The following STXBP5L variants were observed in gnomAD, a reference collection of about 807,000 sequenced individuals.
STXBP5L encodes syntaxin binding protein 5L, also known as syntaxin-binding protein 5-like.
STXBP5L carries 65 observed loss-of-function variants against 144.5 expected under a neutral mutation model. The ratio of observed to expected loss-of-function variants is 0.45; its 90% CI spans 0.37 to 0.55. The LOEUF is 0.55. Among genes scored for constraint, STXBP5L ranks in the 20% least tolerant of loss-of-function variants. STXBP5L has a pLI of 0.00. For missense variants in STXBP5L, 1,298 were observed against 1,405.5 expected (o/e 0.92, Z 1.22); for synonymous variants, 505 against 469.6 (o/e 1.08, Z -0.97).
chr3:121,362,138 A>G (rs1231348962), intron 20 of STXBP5L, among the ~76,000 whole-genome samples: 1 of 152,224 alleles, frequency 6.6e-6, no homozygotes, highest in African/African-American at 2.4e-5. Flanking sequence ...TCCCAAACAT[A>G]CAGAGTCTCT....
chr3:120,950,727 G>T (rs1420292588), intron 2 of STXBP5L, among the ~76,000 whole-genome samples: 4 of 152,060 alleles, frequency 2.6e-5, no homozygotes, highest in Admixed American at 2.6e-4. Context: ...TGGCCATACT[G>T]CCCAAAGTAA....
chr3:121,404,183 C>T (rs1168179301), intron 22 of STXBP5L, among the ~76,000 whole-genome samples: 1 of 152,106 alleles, frequency 6.6e-6, no homozygotes, highest in African/African-American at 2.4e-5. Context: ...CTATTAATGA[C>T]AATTCCATTC....
rs908339062 is a variant in STXBP5L, at chr3:121,120,294, C to T, written c.606-1347C>T. Among the ~76,000 whole-genome samples, 4 of 151,048 alleles carry T rather than the reference C, an allele frequency of 2.6e-5. 1 individual carries two copies. The South Asian group carries it at 8.3e-4, about 31-fold the overall frequency. ...TTAAACCTTATCAGAGGCATTTATACCTTTATAGAACACTGAATTTATGTA... is the reference window on the plus strand; with the variant it reads ...TTAAACCTTATCAGAGGCATTTATATCTTTATAGAACACTGAATTTATGTA... On this transcript the variant is annotated intron_variant, in intron 6 of 26. Coordinates refer to ENST00000471454, the MANE Select transcript of STXBP5L (RefSeq NM_001308330.2).
intron 7 of STXBP5L, among the ~76,000 whole-genome samples, chr3:121,133,929 G>A (rs957387982): frequency 1.3e-5 from 2 of 152,058 alleles, no homozygotes; most frequent in Non-Finnish European, 2.9e-5. Context: ...AACAGCAAGG[G>A]ATTACATGAT....
At chr3:121,029,765 T>G (rs1946228789) in intron 3 of STXBP5L, among the ~76,000 whole-genome samples, 1 of 152,094 alleles carries the variant, frequency 6.6e-6, no homozygotes, top group African/African-American at 2.4e-5. Flanking sequence ...TGGGAGAATT[T>G]TTTTTGAATC....
At chr3:121,243,388 G>T (rs1277326305) in intron 14 of STXBP5L, among the ~76,000 whole-genome samples, 1 of 152,104 alleles carries the variant, frequency 6.6e-6, no homozygotes, top group Non-Finnish European at 1.5e-5. Flanking sequence ...CCCATAAAAG[G>T]TTTGAGAGGC....
At position 121,230,891 on chromosome 3, in the gene STXBP5L, C is replaced by T. The variant is rs191616484; in HGVS notation, c.1112-2725C>T. Among the ~76,000 whole-genome samples the T allele has an allele frequency of 4.4e-3, 664 of 152,256 alleles. 5 individuals carry two copies. The highest frequency in any genetic ancestry group is 0.015 in the African/African-American group (617 of 41,550). On this transcript the variant is annotated intron_variant, in intron 11 of 26. Coordinates refer to ENST00000471454, the MANE Select transcript of STXBP5L (RefSeq NM_001308330.2). ...AAACCAGAGTAGCAAAGTAGTCGGG[C>T]GGACCGGCAGGAAGAGAGGAGCTAG...
intron 2 of STXBP5L, 59 bp from the exon 3 acceptor site, chr3:120,954,881 C>A: frequency 7.1e-7 from 1 of 1,410,408 alleles, no homozygotes; most frequent in Non-Finnish European, 9.8e-7. Context: ...ATAATGGTAT[C>A]TTGTGATTGT....
chr3:121,348,483 G>A (rs1413106501), intron 20 of STXBP5L, among the ~76,000 whole-genome samples: 2 of 152,104 alleles, frequency 1.3e-5, no homozygotes, highest in East Asian at 1.9e-4. Flanking sequence ...AAATGAGTTA[G>A]GGAGGATCCC....
At chr3:121,069,458 T>C (rs1175686835) in intron 5 of STXBP5L, among the ~76,000 whole-genome samples, 1 of 152,180 alleles carries the variant, frequency 6.6e-6, no homozygotes, top group African/African-American at 2.4e-5. Flanking sequence ...TGATCATTTG[T>C]GTGCAAGTAT....
At chr3:121,398,035 CTTGT>C (rs2046775947) in intron 22 of STXBP5L, among the ~76,000 whole-genome samples, 4 of 149,776 alleles carry the variant, frequency 2.7e-5, no homozygotes, top group African/African-American at 9.8e-5. Context: ...GCAGCTTTGC[CTTGT>C]TTATTTGTGC....
At position 121,279,859 on chromosome 3, in the gene STXBP5L, A is replaced by G. The variant is rs1168464997; in HGVS notation, c.2013A>G (p.Thr671=). The G allele has an allele frequency of 6.2e-7, 1 of 1,612,748 alleles. No homozygotes were observed. Among genetic ancestry groups the G allele is most frequent in the Non-Finnish European group, 8.5e-7 (1 of 1,178,994 alleles). ...GLAVVDFIQK[T]VLLSMGTIDL... ...CTGTGGTGGATTTTATACAGAAGACAGTACTGTTAAGCATGGGGACCATTG... is the reference window on the plus strand; with the variant it reads ...CTGTGGTGGATTTTATACAGAAGACGGTACTGTTAAGCATGGGGACCATTG... The change falls in exon 19 of 27, where the codon ACA becomes ACG. Residue 671 remains threonine (T), a synonymous_variant. Transcript: ENST00000471454.
chr3:121,207,032 A>T (rs2048362869), intron 10 of STXBP5L, among the ~76,000 whole-genome samples: 1 of 152,162 alleles, frequency 6.6e-6, no homozygotes, highest in Non-Finnish European at 1.5e-5. Flanking sequence ...GTTTGTTTAT[A>T]ACTGCTCTTT....
chr3:121,172,797 A>G (rs1323559816), intron 9 of STXBP5L, among the ~76,000 whole-genome samples: 1 of 152,228 alleles, frequency 6.6e-6, no homozygotes, highest in Non-Finnish European at 1.5e-5. Flanking sequence ...CTAGAACTAG[A>G]AATACCATTT....
At chr3:121,302,142 T>C (rs575761663) in intron 19 of STXBP5L, among the ~76,000 whole-genome samples, 5 of 152,346 alleles carry the variant, frequency 3.3e-5, no homozygotes, top group African/African-American at 1.2e-4. Flanking sequence ...TCCTTGTACC[T>C]CTGGTAGAAT....
intron 3 of STXBP5L, among the ~76,000 whole-genome samples, chr3:121,019,692 C>G (rs550671049): frequency 6.6e-6 from 1 of 152,258 alleles, no homozygotes; most frequent in South Asian, 2.1e-4. Flanking sequence ...CACAGTTTGG[C>G]TCTCAGGAAG....
At chr3:121,053,688 C>T (rs1437990998) in intron 5 of STXBP5L, among the ~76,000 whole-genome samples, 1 of 152,176 alleles carries the variant, frequency 6.6e-6, no homozygotes, top group Non-Finnish European at 1.5e-5. Flanking sequence ...GCAAGGACTT[C>T]ATGTCTAAAG....
intron 5 of STXBP5L, among the ~76,000 whole-genome samples, chr3:121,069,774 G>A (rs891455241): frequency 6.6e-6 from 1 of 151,740 alleles, no homozygotes; most frequent in Non-Finnish European, 1.5e-5. Context: ...TTTTGTTTAA[G>A]GTATGAGATT....
chr3:121,354,258 T>C (rs1485261637), intron 20 of STXBP5L, among the ~76,000 whole-genome samples: 1 of 152,184 alleles, frequency 6.6e-6, no homozygotes, highest in Non-Finnish European at 1.5e-5. Flanking sequence ...GTCTCATTGA[T>C]CTGCCTAATA....
Sources: allele counts gnomAD v4.1 joint callset (sites outside exome capture counted in the v4.1 genomes callset), GRCh38; gene constraint gnomAD v4.1.1; transcripts MANE v1.5; gene names NCBI Gene and HGNC (gene_info 2026-07-23, HGNC 2026-07-21).